GRIP1: variants seen among roughly 807,000 people sequenced by gnomAD.
The protein encoded by GRIP1 is glutamate receptor interacting protein 1.
Under a neutral mutation model 129.9 loss-of-function variants are expected in GRIP1, and 45 were observed. The ratio of observed to expected loss-of-function variants is 0.35; its 90% CI spans 0.27 to 0.44. The LOEUF is 0.44. GRIP1 is among the 20% of genes least tolerant of loss of function. The pLI is 1.00. For synonymous variants in GRIP1, 530 were observed against 520.8 expected (o/e 1.02, Z -0.24); for missense variants, 1,196 against 1,396.8 (o/e 0.86, Z 2.29).
intron 1 of GRIP1, among the ~76,000 whole-genome samples, chr12:67,066,101 G>A (rs1029950545): frequency 6.6e-6 from 1 of 152,130 alleles, no homozygotes; most frequent in East Asian, 1.9e-4. Context: ...TGCATTTACT[G>A]CAACAACCCA....
intron 7 of GRIP1, among the ~76,000 whole-genome samples, chr12:66,475,308 G>A (rs1442272299): frequency 1.3e-5 from 2 of 152,150 alleles, no homozygotes; most frequent in East Asian, 1.9e-4. Flanking sequence ...ACCCAATACA[G>A]GAGCACCTAG....
chr12:66,744,890 G>A (rs917479832), intron 1 of GRIP1, among the ~76,000 whole-genome samples: 1 of 152,092 alleles, frequency 6.6e-6, no homozygotes. Flanking sequence ...TAAATGTGTA[G>A]TATTGTATGG....
At position 66,613,917 on chromosome 12, in the gene GRIP1, T is replaced by C. The variant is rs112600711; in HGVS notation, c.56-16990A>G. Among the ~76,000 whole-genome samples the C allele has an allele frequency of 4.0e-3, 615 of 152,328 alleles. 8 individuals are homozygous for C. Among genetic ancestry groups the C allele is most frequent in the African/African-American group, 0.014 (580 of 41,580 alleles). On this transcript the variant is annotated intron_variant, in intron 1 of 24. Coordinates refer to ENST00000359742, the MANE Select transcript of GRIP1 (RefSeq NM_001366722.1). ...GGTCAGAAGGTCCACTTGGAAATCA[T>C]GTTTGAAGACACATCAGCATTAATG...
rs59891449 is a variant in GRIP1 at position 67,066,888 on chromosome 12, T to TTTTATATATATATATA, written c.58+2161_58+2162insTATATATATATATAAA. ...TAGGCAGCTCAGTTTAAATATATAT[T>TTTTATATATATATATA]TATATATATATATATATATATATAC... On this transcript the variant is annotated intron_variant, in intron 1 of 1. Transcript: ENST00000643019. Among the ~76,000 whole-genome samples, 893 of 125,544 alleles carry TTTTATATATATATATA rather than the reference T, an allele frequency of 7.1e-3. 6 individuals carry two copies. The highest frequency in any genetic ancestry group is 0.012 in the East Asian group (52 of 4,198). The allele number at this position is 125,544 out of a possible 152,430, so 82.4% of individuals were successfully genotyped here.
chr12:66,832,006 T>C (rs1276597473), intron 1 of GRIP1, among the ~76,000 whole-genome samples: 1 of 151,704 alleles, frequency 6.6e-6, no homozygotes, highest in Non-Finnish European at 1.5e-5. Context: ...TACCTCATGT[T>C]CCATCCAGAC....
intron 1 of GRIP1, among the ~76,000 whole-genome samples, chr12:66,735,795 C>T (rs1358696693): frequency 1.3e-5 from 2 of 152,072 alleles, no homozygotes; most frequent in Admixed American, 6.6e-5. Context: ...GCTGCCATTA[C>T]GAAGACAAAT....
intron 1 of GRIP1, among the ~76,000 whole-genome samples, chr12:66,684,436 A>G (rs1342379592): frequency 6.6e-6 from 1 of 152,158 alleles, no homozygotes; most frequent in South Asian, 2.1e-4. Flanking sequence ...GCTCTGTCAC[A>G]GCATGTTGGT....
intron 1 of GRIP1, among the ~76,000 whole-genome samples, chr12:67,027,802 C>T (rs369484369): frequency 3.3e-5 from 5 of 152,076 alleles, no homozygotes; most frequent in East Asian, 3.9e-4. Flanking sequence ...AAGAGTCTGG[C>T]GAGATGGAGG....
chr12:67,011,806 A>G (rs2042712274), intron 1 of GRIP1, among the ~76,000 whole-genome samples: 1 of 152,186 alleles, frequency 6.6e-6, no homozygotes, highest in Non-Finnish European at 1.5e-5. Flanking sequence ...GGGGTCAGCA[A>G]CATTTTTCTT....
At chr12:66,790,965 A>G (rs1424862375) in intron 1 of GRIP1, among the ~76,000 whole-genome samples, 5 of 152,166 alleles carry the variant, frequency 3.3e-5, no homozygotes, top group Admixed American at 3.3e-4. Context: ...ACAGAAGCCA[A>G]GACAGGAAAG....
intron 1 of GRIP1, among the ~76,000 whole-genome samples, chr12:66,952,106 A>G (rs557584544): frequency 6.6e-6 from 1 of 152,184 alleles, no homozygotes; most frequent in South Asian, 2.1e-4. Context: ...AGAAGCAGGG[A>G]AGGAAAGAAA....
chr12:66,503,299 A>C (rs917873322), intron 7 of GRIP1, among the ~76,000 whole-genome samples: 4 of 152,094 alleles, frequency 2.6e-5, no homozygotes, highest in Non-Finnish European at 5.9e-5. Flanking sequence ...AAAGGGAAGA[A>C]ACCTTCAGAT....
chr12:66,582,392 G>A (rs1424372924), intron 2 of GRIP1, among the ~76,000 whole-genome samples: 3 of 146,612 alleles, frequency 2.0e-5, no homozygotes, highest in Non-Finnish European at 4.5e-5. Flanking sequence ...CATAGTGTTG[G>A]AAGTTCTGGC....
At chr12:66,788,865 C>G (rs2038442760) in intron 1 of GRIP1, among the ~76,000 whole-genome samples, 1 of 152,068 alleles carries the variant, frequency 6.6e-6, no homozygotes, top group Non-Finnish European at 1.5e-5. Flanking sequence ...CTAAGCTGCA[C>G]CAGTATTCCT....
intron 1 of GRIP1, among the ~76,000 whole-genome samples, chr12:66,732,563 A>C (rs534745476): frequency 3.6e-4 from 55 of 152,092 alleles, no homozygotes; most frequent in African/African-American, 7.5e-4. Flanking sequence ...AACAAACAAA[A>C]AAAAAACAAA....
intron 11 of GRIP1, 24 bp from the exon 12 acceptor site, chr12:66,445,532 T>G: frequency 6.3e-7 from 1 of 1,579,920 alleles, no homozygotes. Context: ...CAGAAAATAC[T>G]GACTTTAGGT....
intron 11 of GRIP1, among the ~76,000 whole-genome samples, chr12:66,454,048 C>T (rs922913284): frequency 2.0e-5 from 3 of 152,190 alleles, no homozygotes; most frequent in African/African-American, 7.2e-5. Context: ...GATGACAAAT[C>T]TCCTTATATG....
At chr12:66,825,044 A>G (rs764633275) in intron 1 of GRIP1, among the ~76,000 whole-genome samples, 22 of 152,020 alleles carry the variant, frequency 1.4e-4, no homozygotes, top group Non-Finnish European at 3.1e-4. Flanking sequence ...TTTCATCTTC[A>G]ATTTTTAACT....
chr12:66,593,169 A>G (rs2063907649), intron 2 of GRIP1, among the ~76,000 whole-genome samples: 1 of 152,238 alleles, frequency 6.6e-6, no homozygotes, highest in African/African-American at 2.4e-5. Context: ...TAAAATGACA[A>G]GTTCCCAAAT....
Sources: allele counts gnomAD v4.1 joint callset (sites outside exome capture counted in the v4.1 genomes callset), GRCh38; gene constraint gnomAD v4.1.1; transcripts MANE v1.5; gene names NCBI Gene and HGNC (gene_info 2026-07-23, HGNC 2026-07-21).